MACROD2: variants seen among roughly 807,000 people sequenced by gnomAD.
The protein encoded by MACROD2 is ADP-ribose glycohydrolase MACROD2.
Under a neutral mutation model 70.4 loss-of-function variants are expected in MACROD2, and 36 were observed. The observed-to-expected ratio is 0.51, with a 90% CI of 0.39 to 0.68. The LOEUF (loss-of-function observed/expected upper bound fraction) is 0.68. Ranked by LOEUF, MACROD2 falls within the 30% of genes least tolerant of loss-of-function variation. The pLI is 0.00. For missense variants in MACROD2, 496 were observed against 538.4 expected (o/e 0.92, Z 0.78); for synonymous variants, 172 against 178.8 (o/e 0.96, Z 0.30).
chr20:14,679,196 A>T (rs1467980160), intron 4 of MACROD2, among the ~76,000 whole-genome samples: 2 of 152,268 alleles, frequency 1.3e-5, no homozygotes, highest in Non-Finnish European at 2.9e-5. Context: ...TGCAAACCAG[A>T]ATATGATGGG....
In MACROD2 at chr20:15,347,581, T is replaced by G. The variant is rs551863738; in HGVS notation, c.541-83824T>G. Reference sequence around the variant, plus strand: ...TCATTTCCTTTTAAGACATGATCACTCCACTTAAAATTGTAAGCCATTCCT... The same window carrying G: ...TCATTTCCTTTTAAGACATGATCACGCCACTTAAAATTGTAAGCCATTCCT... On this transcript the variant is annotated intron_variant, in intron 6 of 17. Transcript: ENST00000684519. Among the ~76,000 whole-genome samples the G allele has an allele frequency of 5.4e-4, 83 of 152,316 alleles. 1 individual carries two copies. The highest frequency in any genetic ancestry group is 2.0e-3 in the African/African-American group (82 of 41,582).
intron 2 of MACROD2, among the ~76,000 whole-genome samples, chr20:14,016,957 T>C (rs1002649573): frequency 6.6e-6 from 1 of 152,130 alleles, no homozygotes; most frequent in Non-Finnish European, 1.5e-5. Context: ...CTTCACAATA[T>C]TTAGAGTTCC....
At chr20:14,322,125 A>C (rs1005945711) in intron 3 of MACROD2, among the ~76,000 whole-genome samples, 1 of 138,706 alleles carries the variant, frequency 7.2e-6, no homozygotes, top group Non-Finnish European at 1.6e-5. Flanking sequence ...TGTATGTATA[A>C]TTATTGAGTG....
intron 11 of MACROD2, among the ~76,000 whole-genome samples, chr20:15,934,037 C>G (rs1289416329): frequency 1.3e-5 from 2 of 152,164 alleles, no homozygotes; most frequent in Non-Finnish European, 2.9e-5. Flanking sequence ...TTTTTGTACT[C>G]AGTCATGCTC....
At chr20:15,185,633 T>C (rs1400955682) in intron 5 of MACROD2, among the ~76,000 whole-genome samples, 1 of 152,192 alleles carries the variant, frequency 6.6e-6, no homozygotes, top group Non-Finnish European at 1.5e-5. Flanking sequence ...TTTATAAATA[T>C]AACGACTTAG....
chr20:15,452,512 A>T (rs2046657159), intron 7 of MACROD2, among the ~76,000 whole-genome samples: 1 of 152,298 alleles, frequency 6.6e-6, no homozygotes, highest in African/African-American at 2.4e-5. Context: ...CTGTGTAATG[A>T]AATGTCCCCG....
At chr20:14,119,159 ATTTTTTT>A (rs1181793101) in intron 3 of MACROD2, among the ~76,000 whole-genome samples, 2 of 56,738 alleles carry the variant, frequency 3.5e-5, no homozygotes, top group Non-Finnish European at 5.9e-5. Flanking sequence ...AATGACTGTG[ATTTTTTT>A]TTTTTTTTTT....
chr20:14,626,594 G>A (rs6079507), intron 4 of MACROD2, among the ~76,000 whole-genome samples: 5,667 of 152,176 alleles, frequency 0.037, 341 homozygotes, highest in African/African-American at 0.13. Flanking sequence ...ACAAGAAGGC[G>A]TGGTAAGATT....
chr20:15,160,750 G>A (rs1325489203), intron 5 of MACROD2, among the ~76,000 whole-genome samples: 1 of 151,998 alleles, frequency 6.6e-6, no homozygotes, highest in Non-Finnish European at 1.5e-5. Flanking sequence ...TTTTAAATAT[G>A]TATTTGAAAT....
At chr20:14,631,737 A>AGTCCG (rs1984525859) in intron 4 of MACROD2, 1 of 152,238 alleles carries the variant, frequency 6.6e-6, no homozygotes, top group Non-Finnish European at 1.5e-5. Context: ...TTGCGCCACT[A>AGTCCG]CACTCCAGCC....
At chr20:15,139,443 G>T (rs1018582296) in intron 5 of MACROD2, among the ~76,000 whole-genome samples, 1 of 152,072 alleles carries the variant, frequency 6.6e-6, no homozygotes, top group Non-Finnish European at 1.5e-5. Context: ...CTTAAATACC[G>T]CAGTGTGGTA....
At chr20:14,273,045 G>A (rs1349234838) in intron 3 of MACROD2, among the ~76,000 whole-genome samples, 1 of 151,566 alleles carries the variant, frequency 6.6e-6, no homozygotes, top group African/African-American at 2.4e-5. Context: ...AATAATAATG[G>A]GAGACTTTAA....
chr20:14,255,901 A>G (rs1171800454), intron 3 of MACROD2, among the ~76,000 whole-genome samples: 1 of 151,808 alleles, frequency 6.6e-6, no homozygotes. Flanking sequence ...TGAAGGGCCT[A>G]GATGTTGTTT....
chr20:14,684,616 A>G (rs2123595600), intron 4 of MACROD2, among the ~76,000 whole-genome samples: 1 of 150,822 alleles, frequency 6.6e-6, no homozygotes, highest in Admixed American at 6.7e-5. Context: ...CAACTTCTAT[A>G]ACCCTTCTAC....
intron 2 of MACROD2, among the ~76,000 whole-genome samples, chr20:14,054,197 C>G (rs964635459): frequency 6.6e-6 from 1 of 151,076 alleles, no homozygotes; most frequent in African/African-American, 2.4e-5. Context: ...TAGTATGATC[C>G]ACCCAATAGT....
intron 6 of MACROD2, among the ~76,000 whole-genome samples, chr20:15,391,654 C>G (rs2045793638): frequency 6.6e-6 from 1 of 152,204 alleles, no homozygotes; most frequent in Non-Finnish European, 1.5e-5. Context: ...CATTAACCCC[C>G]AAATGTCCAT....
chr20:14,245,257 G>T (rs1202538298), intron 3 of MACROD2, among the ~76,000 whole-genome samples: 1 of 151,958 alleles, frequency 6.6e-6, no homozygotes, highest in Non-Finnish European at 1.5e-5. Flanking sequence ...CAGCTACTTG[G>T]GAGGCTGAGG....
intron 10 of MACROD2, among the ~76,000 whole-genome samples, chr20:15,905,078 C>T (rs1057144609): frequency 6.6e-5 from 10 of 152,152 alleles, no homozygotes; most frequent in African/African-American, 2.4e-4. Flanking sequence ...ATATCAAATT[C>T]TGTAATTCTA....
chr20:15,185,552 G>C (rs564840025), intron 5 of MACROD2, among the ~76,000 whole-genome samples: 1 of 152,238 alleles, frequency 6.6e-6, no homozygotes, highest in South Asian at 2.1e-4. Context: ...GTCATTATTA[G>C]CTTAGGAACT....
Sources: gnomAD v4.1 joint callset for allele counts (sites outside exome capture counted in the v4.1 genomes callset) on GRCh38, gnomAD v4.1.1 for gene constraint, MANE v1.5 for transcripts, NCBI Gene and HGNC (gene_info 2026-07-23, HGNC 2026-07-21) for gene names.